PEBP4: variants seen among roughly 807,000 people sequenced by gnomAD.
PEBP4 encodes phosphatidylethanolamine-binding protein 4.
Under a neutral mutation model 23.9 loss-of-function variants are expected in PEBP4, and 22 were observed. The ratio of observed to expected loss-of-function variants is 0.92; its 90% CI spans 0.66 to 1.31. The LOEUF (loss-of-function observed/expected upper bound fraction) is 1.31. Among genes scored for constraint, PEBP4 ranks in the 40% most tolerant of loss-of-function variants. The pLI is 0.00. For synonymous variants in PEBP4, 112 were observed against 99.3 expected (o/e 1.13, Z -0.76); for missense variants, 324 against 281.7 (o/e 1.15, Z -1.07).
At chr8:22,874,671 T>C (rs961195218) in intron 3 of PEBP4, among the ~76,000 whole-genome samples, 1 of 152,250 alleles carries the variant, frequency 6.6e-6, no homozygotes, top group Non-Finnish European at 1.5e-5. Flanking sequence ...TATAGTTCAA[T>C]TGTGGCAAAG....
At chr8:22,871,705 C>G (rs1390150252) in intron 3 of PEBP4, among the ~76,000 whole-genome samples, 3 of 152,066 alleles carry the variant, frequency 2.0e-5, no homozygotes, top group Non-Finnish European at 4.4e-5. Flanking sequence ...CAGGCACGTG[C>G]CACCATGCCC....
rs1807372857 is a variant in PEBP4 at position 22,843,793 on chromosome 8, C to G, written c.259-26058G>C. 2.0e-5 allele frequency among the ~76,000 whole-genome samples: 3 copies of G among 152,084 alleles called. No homozygotes were observed. In the South Asian group the frequency reaches 6.2e-4, roughly 32 times the overall value. ...GAGTTATCTGGGAAGCTCGAAGAGC[C>G]TGGATTCTGGATCAAGGGTGAAGAC... is the stretch of plus-strand genomic sequence containing the variant. On this transcript the variant is annotated intron_variant, in intron 3 of 6. Coordinates refer to ENST00000256404, the MANE Select transcript of PEBP4 (RefSeq NM_144962.3).
At chr8:22,782,690 T>C (rs577756031) in intron 4 of PEBP4, among the ~76,000 whole-genome samples, 2 of 152,314 alleles carry the variant, frequency 1.3e-5, no homozygotes, top group Admixed American at 6.5e-5. Context: ...TATGTTTGCA[T>C]GTATATTTCC....
At chr8:22,714,790 A>G (rs908757748) in intron 6 of PEBP4, among the ~76,000 whole-genome samples, 1 of 152,096 alleles carries the variant, frequency 6.6e-6, no homozygotes, top group South Asian at 2.1e-4. Context: ...TTTCATAGCA[A>G]TTAAGATAGC....
intron 3 of PEBP4, among the ~76,000 whole-genome samples, chr8:22,842,704 G>A (rs570520451): frequency 3.9e-5 from 6 of 152,312 alleles, no homozygotes; most frequent in African/African-American, 1.4e-4. Context: ...CGCAGGGCTG[G>A]CTTCACCTGC....
intron 3 of PEBP4, among the ~76,000 whole-genome samples, chr8:22,846,889 C>T (rs1478438442): frequency 2.0e-5 from 3 of 152,118 alleles, no homozygotes; most frequent in Admixed American, 6.5e-5. Context: ...TGGCAGGGCA[C>T]GATGGCTCAT....
At chr8:22,724,810 C>T (rs1207076371) in intron 6 of PEBP4, 33 bp downstream of exon 6, 1 of 1,537,540 alleles carries the variant, frequency 6.5e-7, no homozygotes, top group African/African-American at 1.4e-5. Context: ...AGAATTCACC[C>T]CGGTGGTGGC....
intron 3 of PEBP4, among the ~76,000 whole-genome samples, chr8:22,912,317 C>T (rs527694879): frequency 2.2e-4 from 33 of 152,292 alleles, no homozygotes; most frequent in African/African-American, 7.2e-4. Context: ...GGCAGGGGTG[C>T]GTTCTGTGTG....
chr8:22,792,754 C>T (rs1006943833), intron 4 of PEBP4, among the ~76,000 whole-genome samples: 1 of 151,968 alleles, frequency 6.6e-6, no homozygotes, highest in Non-Finnish European at 1.5e-5. Flanking sequence ...GTAGGGAGAC[C>T]AGCAAGCTAA....
intron 4 of PEBP4, among the ~76,000 whole-genome samples, chr8:22,785,593 G>T (rs776169722): frequency 5.9e-5 from 9 of 152,224 alleles, no homozygotes; most frequent in Non-Finnish European, 1.2e-4. Context: ...CACAAGCCCA[G>T]AGAGGGAGGC....
chr8:22,914,909 G>A (rs751177651), intron 3 of PEBP4, among the ~76,000 whole-genome samples: 22 of 152,092 alleles, frequency 1.4e-4, no homozygotes, highest in South Asian at 6.2e-4. Flanking sequence ...GCTTGCCAGC[G>A]CCATGCCCAA....
chr8:22,921,542 C>G (rs950801715), intron 2 of PEBP4, among the ~76,000 whole-genome samples: 1 of 152,224 alleles, frequency 6.6e-6, no homozygotes, highest in Admixed American at 6.5e-5. Context: ...CTTCCAGTGG[C>G]TCCTGAAGTC....
chr8:22,742,456 G>C (rs368065093), intron 4 of PEBP4, among the ~76,000 whole-genome samples: 7 of 152,210 alleles, frequency 4.6e-5, no homozygotes, highest in Admixed American at 6.5e-5. Flanking sequence ...AAGCATGAGA[G>C]GCTCTTGGGA....
intron 4 of PEBP4, among the ~76,000 whole-genome samples, chr8:22,811,775 G>T (rs145196049): frequency 6.6e-6 from 1 of 152,226 alleles, no homozygotes; most frequent in African/African-American, 2.4e-5. Flanking sequence ...CTGGGGTCAC[G>T]TTAGGTCCTC....
chr8:22,737,479 G>T (rs185701623), intron 4 of PEBP4, among the ~76,000 whole-genome samples: 1 of 152,252 alleles, frequency 6.6e-6, no homozygotes, highest in African/African-American at 2.4e-5. Flanking sequence ...ACGTGAGTTA[G>T]TTCACTCAGA....
rs756117918 is a variant in PEBP4, at chr8:22,864,544, G to A, written c.259-46809C>T. Among the ~76,000 whole-genome samples, 57 of 152,230 alleles carry A rather than the reference G, an allele frequency of 3.7e-4. 1 individual carries two copies. The highest frequency in any genetic ancestry group is 3.6e-4 in the African/African-American group (15 of 41,534). On this transcript the variant is annotated intron_variant, in intron 3 of 6. Transcript: ENST00000256404. ...TCCCATCCGCATATCCTAACCCTAT[G>A]CCTCAATTTCCTCCAGGAGAAAGCT...
chr8:22,931,574 G>GTT (rs5890080), upstream of PEBP4, among the ~76,000 whole-genome samples: 28 of 144,108 alleles, frequency 1.9e-4, no homozygotes, highest in East Asian at 9.0e-4. Context: ...AATTCAAGCA[G>GTT]TTTTTTTTGT....
intron 3 of PEBP4, among the ~76,000 whole-genome samples, chr8:22,860,226 A>ACACATATATATGTG (rs1807748133): frequency 2.7e-5 from 4 of 145,782 alleles, no homozygotes; most frequent in African/African-American, 7.9e-5. Flanking sequence ...GTATATATAT[A>ACACATATATATGTG]TATGGTGCCA....
intron 3 of PEBP4, among the ~76,000 whole-genome samples, chr8:22,822,480 A>G (rs920943547): frequency 6.6e-6 from 1 of 152,154 alleles, no homozygotes; most frequent in Non-Finnish European, 1.5e-5. Context: ...AAACATGATA[A>G]AAGAAGAAAT....
Sources: gnomAD v4.1 joint callset for allele counts (sites outside exome capture counted in the v4.1 genomes callset) on GRCh38, gnomAD v4.1.1 for gene constraint, MANE v1.5 for transcripts, NCBI Gene and HGNC (gene_info 2026-07-23, HGNC 2026-07-21) for gene names.